ARHGEF6: variants seen among roughly 807,000 people sequenced by gnomAD.
ARHGEF6 encodes the protein Rac/Cdc42 guanine nucleotide exchange factor 6.
In ARHGEF6, 9 loss-of-function variants were observed where a neutral mutation model predicts 70.3. The observed-to-expected ratio is 0.13, with a 90% CI of 0.08 to 0.22. The LOEUF (loss-of-function observed/expected upper bound fraction) is 0.22, where lower values mean the gene tolerates loss of function less well. Among genes scored for constraint, ARHGEF6 ranks in the 10% least tolerant of loss-of-function variants. ARHGEF6 has a pLI of 1.00. For synonymous variants in ARHGEF6, 201 were observed against 207.8 expected (o/e 0.97, Z 0.28); for missense variants, 470 against 563.0 (o/e 0.83, Z 1.67).
At chrX:136,708,545 T>C in intron 8 of ARHGEF6, 130 bp downstream of exon 8, 4 of 518,693 alleles carry the variant, frequency 7.7e-6, no homozygotes, top group East Asian at 4.1e-5. Context: ...GTCTATGTAT[T>C]GCTACTTTGT....
chrX:136,774,937 C>A (rs1238618779), intron 2 of ARHGEF6, among the ~76,000 whole-genome samples: 1 of 110,464 alleles, frequency 9.1e-6, no homozygotes, highest in African/African-American at 3.3e-5. Context: ...ACAGATATAA[C>A]CTGGTCCTAG....
chrX:136,686,394 C>T (rs2076386218), intron 11 of ARHGEF6, among the ~76,000 whole-genome samples: 1 of 108,177 alleles, frequency 9.2e-6, no homozygotes, highest in African/African-American at 3.4e-5. Flanking sequence ...AACCTAGGCA[C>T]TGCTGTACTT....
chrX:136,711,454 G>A (rs1212011358), intron 7 of ARHGEF6, among the ~76,000 whole-genome samples: 1 of 111,781 alleles, frequency 8.9e-6, no homozygotes, highest in Non-Finnish European at 1.9e-5. Context: ...TTTCTCCCAG[G>A]ATACTAGACC....
At chrX:136,754,853 G>A (rs972149439) in intron 2 of ARHGEF6, among the ~76,000 whole-genome samples, 14 of 111,270 alleles carry the variant, frequency 1.3e-4, no homozygotes, top group African/African-American at 3.9e-4. Flanking sequence ...CACACTGGTT[G>A]CCAGTTTTGC....
At chrX:136,773,581 C>T (rs1484430828) in intron 2 of ARHGEF6, among the ~76,000 whole-genome samples, 1 of 112,216 alleles carries the variant, frequency 8.9e-6, no homozygotes, top group Non-Finnish European at 1.9e-5. Flanking sequence ...TTGCACACAA[C>T]AATGCAGAGA....
At position 136,714,983 on chromosome X, in the gene ARHGEF6, G is replaced by T. The variant is rs1299746303; in HGVS notation, c.733-1613C>A. Among the ~76,000 whole-genome samples the T allele has an allele frequency of 8.0e-5, 9 of 111,960 alleles. No homozygotes were observed. The East Asian group carries it at 2.5e-3, about 31-fold the overall frequency. Reference sequence around the variant, plus strand: ...AACCAGATAAGTCTTTGTTGTGATGGAATGCCCATATCATTGCCATGACAT... The same window carrying T: ...AACCAGATAAGTCTTTGTTGTGATGTAATGCCCATATCATTGCCATGACAT... On this transcript the variant is annotated intron_variant, in intron 6 of 21. Coordinates refer to ENST00000250617, the MANE Select transcript of ARHGEF6 (RefSeq NM_004840.3).
chrX:136,719,004 TA>T (rs35347859), intron 6 of ARHGEF6, among the ~76,000 whole-genome samples: 5,546 of 60,124 alleles, frequency 0.092, 184 homozygotes, highest in Non-Finnish European at 0.12. Flanking sequence ...TAATACTTGG[TA>T]AAAAAAAAAA....
At chrX:136,692,061 T>C (rs2076464042) in intron 9 of ARHGEF6, among the ~76,000 whole-genome samples, 1 of 110,982 alleles carries the variant, frequency 9.0e-6, no homozygotes, top group Non-Finnish European at 1.9e-5. Flanking sequence ...TTGCAGGTTA[T>C]CCCTGCAATC....
chrX:136,703,231 A>G (rs748836474), intron 9 of ARHGEF6, among the ~76,000 whole-genome samples: 1 of 112,623 alleles, frequency 8.9e-6, no homozygotes, highest in Admixed American at 9.4e-5. Context: ...CATATTGGAC[A>G]TCATCAAAAT....
At chrX:136,716,369 T>C (rs2148626512) in intron 6 of ARHGEF6, among the ~76,000 whole-genome samples, 1 of 112,054 alleles carries the variant, frequency 8.9e-6, no homozygotes, top group African/African-American at 3.2e-5. Flanking sequence ...TTTCTAGCCA[T>C]CCTGTCCCAC....
At chrX:136,715,852 ATTC>A (rs2076731095) in intron 6 of ARHGEF6, among the ~76,000 whole-genome samples, 1 of 112,461 alleles carries the variant, frequency 8.9e-6, no homozygotes, top group African/African-American at 3.2e-5. Flanking sequence ...AGAGCACTCT[ATTC>A]TTCTTAACAA....
chrX:136,747,109 G>A (rs1344474968), intron 3 of ARHGEF6, among the ~76,000 whole-genome samples: 1 of 111,048 alleles, frequency 9.0e-6, no homozygotes, highest in Non-Finnish European at 1.9e-5. Context: ...TCCTTTACAT[G>A]GACAAAGGCA....
chrX:136,774,345 G>T (rs1384549475), intron 2 of ARHGEF6, among the ~76,000 whole-genome samples: 8 of 103,852 alleles, frequency 7.7e-5, no homozygotes, highest in Non-Finnish European at 1.6e-4. Context: ...GTTTTTATTT[G>T]AAAAAAAAAA....
At chrX:136,746,954 A>G (rs1011552185) in intron 3 of ARHGEF6, among the ~76,000 whole-genome samples, 1 of 111,543 alleles carries the variant, frequency 9.0e-6, no homozygotes, top group African/African-American at 3.3e-5. Context: ...GCTACATTCT[A>G]AGTGTATCAT....
intron 19 of ARHGEF6, among the ~76,000 whole-genome samples, chrX:136,674,394 G>C (rs1166558617): frequency 8.9e-6 from 1 of 112,446 alleles, no homozygotes; most frequent in East Asian, 2.8e-4. Flanking sequence ...CTTTTTAAAA[G>C]CATAAAGATG....
chrX:136,680,824 C>T lies in ARHGEF6; in HGVS notation c.1611G>A (p.Gln537=), dbSNP rs2076326178. 1 of 1,210,034 alleles carries T rather than the reference C, an allele frequency of 8.3e-7. No homozygotes were observed. The highest frequency in any genetic ancestry group is 1.1e-6 in the Non-Finnish European group (1 of 895,018). Residue 537 remains glutamine, a synonymous_variant, in exon 15 of 22, where the codon CAG becomes CAA. Transcript: ENST00000250617. ...VVHCNNNQDF[Q]EWLEQLNRLI... ...GTCTGTTCAGCTGCTCCAACCATTC[C>T]TGGAAGTCCTGGTTGTTGTTACAAT...
Position 136,727,371 on chromosome X carries a change from T to C in ARHGEF6, c.732+4731A>G, listed in dbSNP as rs867049332. 3.9e-4 allele frequency among the ~76,000 whole-genome samples: 24 copies of C among 61,117 alleles called. 1 individual carries two copies. Among genetic ancestry groups the C allele is most frequent in the East Asian group, 6.5e-4 (1 of 1,536 alleles). 53.1% of individuals were successfully genotyped at this position (61,117 alleles called of 115,157 possible). On this transcript the variant is annotated intron_variant, in intron 6 of 21. Transcript: ENST00000250617. Reference sequence around the variant, plus strand: ...TTTCTTTCTTTCTTTCTTTCTTTCTTTCTTTCTTTCTTTCTTTCTTTCTTT... The same window carrying C: ...TTTCTTTCTTTCTTTCTTTCTTTCTCTCTTTCTTTCTTTCTTTCTTTCTTT...
chrX:136,712,351 G>A (rs1313361691), intron 7 of ARHGEF6, among the ~76,000 whole-genome samples: 1 of 112,132 alleles, frequency 8.9e-6, no homozygotes, highest in Non-Finnish European at 1.9e-5. Flanking sequence ...GACCTCAAGC[G>A]ATCTGCCCGC....
At chrX:136,771,420 AG>A (rs2077362468) in intron 2 of ARHGEF6, among the ~76,000 whole-genome samples, 1 of 112,285 alleles carries the variant, frequency 8.9e-6, no homozygotes, top group Non-Finnish European at 1.9e-5. Flanking sequence ...ACAAAGTTGA[AG>A]GACCCGCTTT....
Sources: allele counts gnomAD v4.1 joint callset (sites outside exome capture counted in the v4.1 genomes callset), GRCh38; gene constraint gnomAD v4.1.1; transcripts MANE v1.5; gene names NCBI Gene and HGNC (gene_info 2026-07-23, HGNC 2026-07-21).